Variants in TBC1D2B observed in about 807,000 individuals in gnomAD.
The protein encoded by TBC1D2B is TBC1 domain family, member 2B.
In TBC1D2B, 64 loss-of-function variants were observed where a neutral mutation model predicts 100.8. The observed-to-expected ratio is 0.64, with a 90% confidence interval of 0.52 to 0.78. The LOEUF is 0.78. Among genes scored for constraint, TBC1D2B ranks in the 30% least tolerant of loss-of-function variants. The probability of loss-of-function intolerance (pLI) is 0.00; values close to 1 mark genes in which losing one functional copy is unlikely to be tolerated. For synonymous variants in TBC1D2B, 480 were observed against 479.7 expected, an observed-to-expected ratio of 1.00 and a Z score of -0.01; for missense variants, 1,052 against 1,218.4, an observed-to-expected ratio of 0.86 and a Z score of 2.03.
chr15:78,005,813 A>C lies in TBC1D2B; in HGVS notation c.2389-2323T>G, dbSNP rs536711980. ...GACTTCTGTTTAGTGATCATCTATT[A>C]CTTGTATAGTCAGGGGGGAAAAAGT... On this transcript the variant is annotated intron_variant, in intron 10 of 12. Transcript: ENST00000300584. Among the ~76,000 whole-genome samples, 130 of 152,290 alleles carry C rather than the reference A, an allele frequency of 8.5e-4. 1 individual carries two copies. The highest frequency in any genetic ancestry group is 2.9e-3 in the African/African-American group (119 of 41,572).
At chr15:78,021,666 C>A (rs962831036) in intron 6 of TBC1D2B, among the ~76,000 whole-genome samples, 3 of 152,234 alleles carry the variant, frequency 2.0e-5, no homozygotes, top group Non-Finnish European at 2.9e-5. Flanking sequence ...CACTTTGCCT[C>A]TTCATCGTCT....
At chr15:78,042,198 T>C (rs918577349) in intron 3 of TBC1D2B, among the ~76,000 whole-genome samples, 1 of 152,178 alleles carries the variant, frequency 6.6e-6, no homozygotes, top group Non-Finnish European at 1.5e-5. Context: ...TCATCATCCA[T>C]GTTCCTATGC....
In TBC1D2B at chr15:78,016,526, A is replaced by T; in HGVS notation, c.1775+20T>A. ...TCAGAAATGGGGTGCACTACCCTCA[A>T]CAGTCACTAGCACATTTACCTGACA... On this transcript the variant is annotated intron_variant, in intron 8 of 12. Transcript: ENST00000300584. 6.2e-7 allele frequency: 1 copy of T among 1,609,554 alleles called. No homozygotes were observed. Among genetic ancestry groups the T allele is most frequent in the East Asian group, 2.2e-5 (1 of 44,850 alleles).
chr15:78,024,393 C>G lies in TBC1D2B; in HGVS notation c.1233G>C (p.Gln411His). 1.2e-6 allele frequency: 2 copies of G among 1,614,106 alleles called. No individual in the cohort carries two copies. The highest frequency in any genetic ancestry group is 8.5e-7 in the Non-Finnish European group (1 of 1,179,916). ...CCTTCTCCAAGCTGAACCTCTCCAG[C>G]TGGCTGGTAAGGCCCAGAATCTGAT... is the stretch of plus-strand genomic sequence containing the variant. ...KDDQILGLTS[Q>H]LERFSLEKES... The change falls in exon 6 of 13, where the codon CAG becomes CAC. Residue 411 changes from glutamine to histidine, a missense_variant. By Grantham distance (24) the Gln-to-His change is conservative. Around this residue, in one of 4 missense-constraint regions of TBC1D2B, gnomAD observed 627 missense variants for 646.1 expected, o/e 0.97. Transcript: ENST00000300584.
chr15:78,024,218 C>A lies in TBC1D2B; in HGVS notation c.1408G>T (p.Ala470Ser). The change falls in exon 6 of 13, where the codon GCG becomes TCG. Residue 470 changes from alanine to serine, a missense_variant. Transcript: ENST00000300584. ...GEGNGPPPTVAPSSPSVVPVA... is the reference protein window; with the variant it reads ...GEGNGPPPTVSPSSPSVVPVA... ...GGCACAACCGAAGGGGAGCTGGGCG[C>A]CACGGTGGGAGGAGGCCCGTTGCCC... The A allele has an allele frequency of 5.0e-6, 8 of 1,613,928 alleles. No individual in the cohort carries two copies. Among genetic ancestry groups the A allele is most frequent in the Non-Finnish European group, 6.8e-6 (8 of 1,179,904 alleles).
intron 1 of TBC1D2B, among the ~76,000 whole-genome samples, chr15:78,073,841 G>A (rs2073778658): frequency 2.6e-5 from 4 of 151,588 alleles, no homozygotes; most frequent in Non-Finnish European, 4.4e-5. Flanking sequence ...GCGGTGGCAC[G>A]CGCCTATAGT....
chr15:78,029,346 C>G (rs1013176569), intron 4 of TBC1D2B, among the ~76,000 whole-genome samples: 1 of 152,188 alleles, frequency 6.6e-6, no homozygotes, highest in Non-Finnish European at 1.5e-5. Context: ...GCGTAAGCCA[C>G]CACGCCTGGC....
rs1266043140 is a variant in TBC1D2B at position 77,998,349 on chromosome 15, C to T, written c.2703G>A (p.Leu901=). The T allele has an allele frequency of 3.2e-5, 51 of 1,578,310 alleles. No individual in the cohort carries two copies. Among genetic ancestry groups the T allele is most frequent in the Non-Finnish European group, 4.0e-5 (47 of 1,162,718 alleles). ...FTRTILDARK[L]ISISFGDLNP... ...TCAGGTCCCCAAAGGAGATACTGAT[C>T]AGCTTCCTGGCAGGACGCAGGGGAG... The change falls in exon 13 of 13, where the codon CTG becomes CTA. Residue 901 remains leucine, a synonymous_variant. Transcript: ENST00000300584.
At chr15:78,011,270 C>T (rs2141651553) in intron 9 of TBC1D2B, among the ~76,000 whole-genome samples, 1 of 152,174 alleles carries the variant, frequency 6.6e-6, no homozygotes, top group South Asian at 2.1e-4. Flanking sequence ...AGCTTAAAAT[C>T]CTTTCTTCCT....
chr15:78,054,990 G>C (rs2073391601), intron 1 of TBC1D2B, among the ~76,000 whole-genome samples: 1 of 152,058 alleles, frequency 6.6e-6, no homozygotes, highest in Non-Finnish European at 1.5e-5. Flanking sequence ...ATACTATTTA[G>C]CAATAAAAAG....
At chr15:78,003,554 C>G in intron 10 of TBC1D2B, 64 bp from the exon 11 acceptor site, 1 of 1,323,388 alleles carries the variant, frequency 7.6e-7, no homozygotes, top group East Asian at 2.4e-5. Flanking sequence ...AGCAGACGAG[C>G]AGACGCGCAA....
intron 10 of TBC1D2B, among the ~76,000 whole-genome samples, chr15:78,005,705 C>T (rs956026743): frequency 2.6e-5 from 4 of 152,208 alleles, no homozygotes; most frequent in East Asian, 1.9e-4. Context: ...AAAGGAAATA[C>T]ATCAAAATGC....
intron 8 of TBC1D2B, among the ~76,000 whole-genome samples, chr15:78,013,905 G>A (rs1018849089): frequency 2.0e-5 from 3 of 152,084 alleles, no homozygotes; most frequent in African/African-American, 7.2e-5. Context: ...TATCTGGGTG[G>A]GCCCAAATAT....
At chr15:78,044,838 A>G in intron 3 of TBC1D2B, 62 bp downstream of exon 3, 1 of 1,386,596 alleles carries the variant, frequency 7.2e-7, no homozygotes, top group Middle Eastern at 1.8e-4. Context: ...TTATAAAATT[A>G]TAACATACAT....
At chr15:78,069,749 T>A (rs913235458) in intron 1 of TBC1D2B, among the ~76,000 whole-genome samples, 1 of 152,158 alleles carries the variant, frequency 6.6e-6, no homozygotes, top group Non-Finnish European at 1.5e-5. Flanking sequence ...GATACATACA[T>A]ACATATATAC....
intron 8 of TBC1D2B, 120 bp downstream of exon 8, chr15:78,016,426 T>G: frequency 2.2e-6 from 2 of 914,536 alleles, no homozygotes; most frequent in Non-Finnish European, 3.3e-6. Context: ...TGACAGCATT[T>G]GTCATGAGCA....
chr15:78,028,315 A>G (rs992344687), intron 4 of TBC1D2B, among the ~76,000 whole-genome samples: 5 of 152,096 alleles, frequency 3.3e-5, no homozygotes, highest in Non-Finnish European at 7.4e-5. Flanking sequence ...TCTCTACTAA[A>G]AATAAAAAAA....
At chr15:78,028,189 C>T (rs2072720032) in intron 4 of TBC1D2B, among the ~76,000 whole-genome samples, 1 of 152,152 alleles carries the variant, frequency 6.6e-6, no homozygotes. Context: ...AAATCTAGGA[C>T]TGTGGCCAGG....
At chr15:78,037,439 G>A (rs1208356567) in intron 3 of TBC1D2B, among the ~76,000 whole-genome samples, 1 of 152,174 alleles carries the variant, frequency 6.6e-6, no homozygotes, top group Non-Finnish European at 1.5e-5. Flanking sequence ...CTTCTTCCTG[G>A]TGTGCCCAGG....
Sources: gnomAD v4.1 joint callset for allele counts (sites outside exome capture counted in the v4.1 genomes callset) on GRCh38, gnomAD v4.1.1 for gene constraint, gnomAD v4.1.1 regional missense constraint, MANE v1.5 for transcripts, NCBI Gene and HGNC (gene_info 2026-07-23, HGNC 2026-07-21) for gene names.